The following LBHD2 variants were observed in gnomAD, a reference collection of about 807,000 sequenced individuals.
The protein encoded by LBHD2 is LBH domain containing 2.
intron 1 of LBHD2, among the ~76,000 whole-genome samples, chr14:103,084,728 T>C (rs1889612041): frequency 6.6e-6 from 1 of 152,112 alleles, no homozygotes; most frequent in South Asian, 2.1e-4. Flanking sequence ...TCTCTCTCTC[T>C]CTCTCTTCTC....
intron 3 of LBHD2, among the ~76,000 whole-genome samples, chr14:103,089,003 G>A (rs1412155672): frequency 6.6e-6 from 1 of 152,176 alleles, no homozygotes; most frequent in Non-Finnish European, 1.5e-5. Context: ...CAAAATAAAA[G>A]CTGAAACTTC....
rs974355350 is a variant in LBHD2 at position 103,088,156 on chromosome 14, C to A, written c.141C>A (p.Ser47Arg). 3 of 398,638 alleles carry A rather than the reference C, an allele frequency of 7.5e-6. No individual in the cohort carries two copies. The highest frequency in any genetic ancestry group is 4.4e-5 in the Admixed American group (1 of 22,736). The allele number at this position is 398,638 out of a possible 1,614,324, so 24.7% of individuals were successfully genotyped here. Residue 47 changes from serine to arginine, a missense_variant, in exon 3 of 4, where the codon AGC becomes AGA. Transcript: ENST00000634353. ...TGCCCTCAATCGTGGTGGAGCCCAG[C>A]GAGGCGGACCCTGTGGAAAGTGGGG... is the stretch of plus-strand genomic sequence containing the variant. ...QRLPSIVVEPSEADPVESGEL... is the reference protein window; with the variant it reads ...QRLPSIVVEPREADPVESGEL...
chr14:103,088,805 C>G (rs1889669399), intron 3 of LBHD2, among the ~76,000 whole-genome samples: 1 of 152,178 alleles, frequency 6.6e-6, no homozygotes, highest in Non-Finnish European at 1.5e-5. Flanking sequence ...ACTAGCCTGG[C>G]CAACATGGTG....
intron 2 of LBHD2, among the ~76,000 whole-genome samples, chr14:103,086,925 G>A (rs1889642916): frequency 6.6e-6 from 1 of 152,200 alleles, no homozygotes; most frequent in Non-Finnish European, 1.5e-5. Flanking sequence ...ACTCCGAGCT[G>A]CAAACGCTGC....
intron 3 of LBHD2, among the ~76,000 whole-genome samples, chr14:103,089,347 CTCTGCCCAAAGCCTCTTGTCAGTT>C (rs1889678848): frequency 6.6e-6 from 1 of 152,218 alleles, no homozygotes; most frequent in Admixed American, 6.5e-5. Context: ...TAACCCCCAC[CTCTGCCCAAAGCCTCTTGTCAGTT>C]TCTGCCCAGG....
At chr14:103,086,411 A>G (rs1315650268) in intron 2 of LBHD2, among the ~76,000 whole-genome samples, 1 of 152,124 alleles carries the variant, frequency 6.6e-6, no homozygotes. Flanking sequence ...GGGTTTCACC[A>G]TGTTGGCCAG....
Position 103,088,202 on chromosome 14 carries a change from A to C in LBHD2, c.187A>C (p.Ser63Arg), listed in dbSNP as rs116524161. The C allele has an allele frequency of 2.4e-3, 951 of 398,620 alleles. 13 individuals are homozygous for C. Among genetic ancestry groups the C allele is most frequent in the African/African-American group, 0.018 (881 of 48,718 alleles). The allele number at this position is 398,620 out of a possible 1,614,324, so 24.7% of individuals were successfully genotyped here. A position where few individuals can be genotyped will look rare whatever the true frequency, so the allele number is the denominator to read the frequency against. Residue 63 changes from serine (S) to arginine (R), a missense_variant, in exon 3 of 4, where the codon AGT becomes CGT. Ser to Arg is a moderately radical substitution (Grantham distance 110, BLOSUM62 -1). Coordinates refer to ENST00000634353, the MANE Select transcript of LBHD2 (RefSeq NM_001330236.2). ...TGGGGAGCTGCGCTGGCCCCTGGAG[A>C]GTGCCCAGAGGGGCCCCTCTCAGAG... is the stretch of plus-strand genomic sequence containing the variant. ...ESGELRWPLE[S>R]AQRGPSQSRA...
intron 1 of LBHD2, among the ~76,000 whole-genome samples, chr14:103,084,884 T>C (rs1889613919): frequency 6.6e-6 from 1 of 152,114 alleles, no homozygotes; most frequent in Non-Finnish European, 1.5e-5. Context: ...TGGGATGGGA[T>C]CCAGAAGAGG....
chr14:103,088,251 G>A lies in LBHD2; in HGVS notation c.226+10G>A, dbSNP rs1351217405. 7.5e-6 allele frequency: 3 copies of A among 398,812 alleles called. No individual in the cohort carries two copies. The highest frequency in any genetic ancestry group is 4.1e-5 in the African/African-American group (2 of 48,632). 24.7% of individuals were successfully genotyped at this position (398,812 alleles called of 1,614,324 possible). On this transcript the variant is annotated intron_variant, in intron 3 of 3. Transcript: ENST00000634353. Reference sequence around the variant, plus strand: ...AGCCGGGCTGCTGCTGGTAAGTGAGGGTGCCTGTGGGGGTGCTGAGAGGAG... The same window carrying A: ...AGCCGGGCTGCTGCTGGTAAGTGAGAGTGCCTGTGGGGGTGCTGAGAGGAG...
Position 103,084,321 on chromosome 14 carries a change from G to C in LBHD2, c.-64G>C, listed in dbSNP as rs1161562672. The C allele has an allele frequency of 6.6e-6, 1 of 152,244 alleles. No homozygotes were observed. Among genetic ancestry groups the C allele is most frequent in the East Asian group, 1.9e-4 (1 of 5,188 alleles). The allele number at this position is 152,244 out of a possible 1,614,324, so 9.4% of individuals were successfully genotyped here. A position where few individuals can be genotyped will look rare whatever the true frequency, so the allele number is the denominator to read the frequency against. ...CTCCCCAGCCTGGCCCCGGCAGTGC[G>C]GGCCCCGGGAGCGCCCTGACGGCTA... On this transcript the variant is annotated 5_prime_UTR_variant, in exon 1 of 4. Coordinates refer to ENST00000634353, the MANE Select transcript of LBHD2 (RefSeq NM_001330236.2).
rs1184868662 is a variant in LBHD2, at chr14:103,089,990, TC to T, written c.*195del. ...AGGTCTGGATCACACCCCGCTTTGTTCCGTGGTTTGAAGCAGAAATAAAGGC... is the reference window on the plus strand; with the variant it reads ...AGGTCTGGATCACACCCCGCTTTGTTCGTGGTTTGAAGCAGAAATAAAGGC... On this transcript the variant is annotated 3_prime_UTR_variant, in exon 4 of 4. Transcript: ENST00000634353. The T allele has an allele frequency of 2.5e-6, 1 of 395,584 alleles. No individual in the cohort carries two copies. The highest frequency in any genetic ancestry group is 2.1e-5 in the African/African-American group (1 of 48,596). 24.5% of individuals were successfully genotyped at this position (395,584 alleles called of 1,614,324 possible).
intron 1 of LBHD2, among the ~76,000 whole-genome samples, chr14:103,085,160 G>T (rs1033806181): frequency 6.6e-6 from 1 of 152,226 alleles, no homozygotes; most frequent in Admixed American, 6.5e-5. Context: ...ACCCCAGCAG[G>T]ACGTCACAGG....
intron 2 of LBHD2, among the ~76,000 whole-genome samples, chr14:103,086,319 C>T (rs1889631951): frequency 6.6e-6 from 1 of 152,228 alleles, no homozygotes; most frequent in Non-Finnish European, 1.5e-5. Flanking sequence ...TCAAGCAATT[C>T]TCCTGCCTCA....
intron 2 of LBHD2, 66 bp from the exon 3 acceptor site, chr14:103,088,019 C>G: frequency 2.5e-6 from 1 of 398,488 alleles, no homozygotes; most frequent in Non-Finnish European, 4.4e-6. Context: ...GTGTGCAGGA[C>G]AGGGGTAGGG....
At chr14:103,085,841 C>CA (rs1889625123) in intron 1 of LBHD2, 135 bp from the exon 2 acceptor site, 2 of 394,802 alleles carry the variant, frequency 5.1e-6, no homozygotes, top group Non-Finnish European at 8.9e-6. Flanking sequence ...GGGAGCAGTG[C>CA]AATATAGGTC....
intron 1 of LBHD2, among the ~76,000 whole-genome samples, chr14:103,085,128 G>A (rs192387135): frequency 1.4e-4 from 22 of 152,210 alleles, no homozygotes; most frequent in East Asian, 9.6e-4. Flanking sequence ...CTTTGCTGGC[G>A]GCCACAGGAC....
At position 103,086,101 on chromosome 14, in the gene LBHD2, G is replaced by C. The variant is rs534209872; in HGVS notation, c.69+20G>C. 5 of 329,134 alleles carry C rather than the reference G, an allele frequency of 1.5e-5. No individual in the cohort carries two copies. Among genetic ancestry groups the C allele is most frequent in the African/African-American group, 2.6e-5 (1 of 38,510 alleles). 20.4% of individuals were successfully genotyped at this position (329,134 alleles called of 1,614,324 possible). ...GGGAAGGTATGCGCTCGGGACCCTG[G>C]GGGGGTCGGGAGGGAGCAAGCCTCA... On this transcript the variant is annotated intron_variant, in intron 2 of 3. Transcript: ENST00000634353.
chr14:103,084,774 CTG>C lies in LBHD2; in HGVS notation c.-38+430_-38+431del, dbSNP rs202217865. Among the ~76,000 whole-genome samples the C allele has an allele frequency of 4.9e-3, 752 of 152,304 alleles. 6 individuals are homozygous for C. Among genetic ancestry groups the C allele is most frequent in the African/African-American group, 0.017 (720 of 41,556 alleles). The stretch of plus-strand genomic sequence containing the variant: ...AGCTCAGTCACCTCTCGCCTGGTCT[CTG>C]TGGCAGTATTTTTCTTGCCTCTCCC... On this transcript the variant is annotated intron_variant, in intron 1 of 3. Transcript: ENST00000634353.
chr14:103,086,607 T>C (rs1221636198), intron 2 of LBHD2, among the ~76,000 whole-genome samples: 1 of 152,112 alleles, frequency 6.6e-6, no homozygotes, highest in Non-Finnish European at 1.5e-5. Flanking sequence ...ACCCCAGGGA[T>C]TGTCCCCAAG....
Sources: gnomAD v4.1 joint callset for allele counts (sites outside exome capture counted in the v4.1 genomes callset) on GRCh38, gnomAD v4.1.1 for gene constraint, MANE v1.5 for transcripts, NCBI Gene and HGNC (gene_info 2026-07-23, HGNC 2026-07-21) for gene names.